THADA: variants seen among roughly 807,000 people sequenced by gnomAD.
THADA encodes the protein THADA armadillo repeat containing.
In THADA, 213 loss-of-function variants were observed where a neutral mutation model predicts 219.8. That is an observed-to-expected ratio of 0.97 (90% CI 0.87 to 1.09). THADA has a LOEUF of 1.09. Ranked by LOEUF, THADA falls within the 50% of genes least tolerant of loss-of-function variation. The probability of loss-of-function intolerance (pLI) is 0.00; values close to 1 mark genes in which losing one functional copy is unlikely to be tolerated. For synonymous variants in THADA, 1,018 were observed against 828.9 expected, an observed-to-expected ratio of 1.23 and a Z score of -3.92; for missense variants, 2,956 against 2,311.3, an observed-to-expected ratio of 1.28 and a Z score of -5.72.
Position 43,465,358 on chromosome 2 carries a change from T to C in THADA, c.3836+19876A>G, listed in dbSNP as rs140605826. Among the ~76,000 whole-genome samples, 349 of 152,334 alleles carry C rather than the reference T, an allele frequency of 2.3e-3. 2 individuals carry two copies. The highest frequency in any genetic ancestry group is 7.2e-3 in the African/African-American group (300 of 41,570). ...GACTTAACACTCCAAAACTTAACGA[T>C]GCAAGATGGCTCCACCTTCTCTGAC... is the stretch of plus-strand genomic sequence containing the variant. On this transcript the variant is annotated intron_variant, in intron 26 of 37. Coordinates refer to ENST00000405975, the MANE Select transcript of THADA (RefSeq NM_022065.5).
At chr2:43,546,938 C>T (rs1243803074) in intron 20 of THADA, among the ~76,000 whole-genome samples, 6 of 151,958 alleles carry the variant, frequency 3.9e-5, no homozygotes, top group African/African-American at 1.2e-4. Flanking sequence ...TTATTTTGCT[C>T]GTTAGTTGAT....
intron 24 of THADA, among the ~76,000 whole-genome samples, chr2:43,500,836 G>A (rs1688858497): frequency 6.6e-6 from 1 of 152,076 alleles, no homozygotes; most frequent in Non-Finnish European, 1.5e-5. Context: ...AGAATTTACA[G>A]GTAAGTCATT....
intron 26 of THADA, 94 bp downstream of exon 26, chr2:43,485,140 T>C: frequency 5.6e-6 from 5 of 891,578 alleles, no homozygotes. Context: ...TCTAGATGAA[T>C]CTATAACAGT....
At chr2:43,328,790 G>A (rs1679628080) in intron 30 of THADA, among the ~76,000 whole-genome samples, 1 of 152,118 alleles carries the variant, frequency 6.6e-6, no homozygotes, top group Non-Finnish European at 1.5e-5. Flanking sequence ...TTTAGGTTAG[G>A]GCCAAAGCCA....
intron 26 of THADA, among the ~76,000 whole-genome samples, chr2:43,474,708 T>C (rs1182634659): frequency 6.6e-6 from 1 of 152,240 alleles, no homozygotes; most frequent in East Asian, 1.9e-4. Flanking sequence ...TGACCATTTA[T>C]ATGTATCTAA....
intron 36 of THADA, among the ~76,000 whole-genome samples, chr2:43,241,064 C>T (rs908621038): frequency 2.0e-5 from 3 of 152,048 alleles, no homozygotes; most frequent in East Asian, 1.9e-4. Flanking sequence ...CAGACTTCAC[C>T]GGGCCCAGGT....
intron 30 of THADA, among the ~76,000 whole-genome samples, chr2:43,330,762 A>T (rs1183685044): frequency 6.6e-6 from 1 of 152,242 alleles, no homozygotes; most frequent in Non-Finnish European, 1.5e-5. Flanking sequence ...CATGGAAGGC[A>T]GCTCCTAAGA....
At chr2:43,278,487 T>G (rs1436933381) in intron 36 of THADA, among the ~76,000 whole-genome samples, 1 of 152,172 alleles carries the variant, frequency 6.6e-6, no homozygotes, top group Admixed American at 6.5e-5. Flanking sequence ...ATGCTGCAAT[T>G]GGAAAAATGA....
At chr2:43,251,468 C>A (rs544414806) in intron 36 of THADA, among the ~76,000 whole-genome samples, 16 of 152,346 alleles carry the variant, frequency 1.1e-4, no homozygotes, top group Admixed American at 9.8e-4. Flanking sequence ...CCTTTAAACC[C>A]ATTTGTTGCT....
chr2:43,339,795 C>G (rs368545422), intron 30 of THADA, among the ~76,000 whole-genome samples: 2 of 152,158 alleles, frequency 1.3e-5, no homozygotes, highest in East Asian at 3.8e-4. Flanking sequence ...GAGCTGGAAT[C>G]TGCAAGCAGC....
chr2:43,591,306 G>A (rs1701540270), intron 3 of THADA, among the ~76,000 whole-genome samples: 2 of 152,196 alleles, frequency 1.3e-5, no homozygotes, highest in South Asian at 2.1e-4. Flanking sequence ...GCCTGGGTAA[G>A]AGAGTGAGAC....
At chr2:43,534,167 A>AT (rs970295591) in intron 21 of THADA, among the ~76,000 whole-genome samples, 4 of 152,186 alleles carry the variant, frequency 2.6e-5, no homozygotes, top group Admixed American at 1.3e-4. Context: ...ATGAAGACAG[A>AT]TTTTTTAAAG....
At chr2:43,396,352 T>A (rs1295018917) in intron 29 of THADA, among the ~76,000 whole-genome samples, 2 of 152,226 alleles carry the variant, frequency 1.3e-5, no homozygotes, top group Non-Finnish European at 2.9e-5. Context: ...CTGGTGGCCC[T>A]GCTATGTGTT....
chr2:43,416,914 T>C (rs1677054268), intron 28 of THADA, among the ~76,000 whole-genome samples: 1 of 152,184 alleles, frequency 6.6e-6, no homozygotes, highest in Non-Finnish European at 1.5e-5. Flanking sequence ...TACTATTCAG[T>C]AATGTAAACG....
At chr2:43,471,999 T>C (rs1200514243) in intron 26 of THADA, among the ~76,000 whole-genome samples, 1 of 152,226 alleles carries the variant, frequency 6.6e-6, no homozygotes, top group East Asian at 1.9e-4. Flanking sequence ...ATGTTTCCTT[T>C]TGCTATTTTG....
intron 26 of THADA, among the ~76,000 whole-genome samples, chr2:43,466,508 A>G (rs1409391717): frequency 6.6e-6 from 1 of 152,142 alleles, no homozygotes; most frequent in African/African-American, 2.4e-5. Context: ...GCTAGCACAC[A>G]GTTTGGGGTA....
intron 26 of THADA, among the ~76,000 whole-genome samples, chr2:43,450,221 T>G (rs1682137631): frequency 6.6e-6 from 1 of 152,188 alleles, no homozygotes; most frequent in African/African-American, 2.4e-5. Context: ...TATTATTAGA[T>G]TAAAAACCAG....
chr2:43,511,874 T>C (rs1420788845), intron 22 of THADA, among the ~76,000 whole-genome samples: 1 of 152,108 alleles, frequency 6.6e-6, no homozygotes, highest in Non-Finnish European at 1.5e-5. Flanking sequence ...TTGAAGGACA[T>C]GTAGGTCGAA....
chr2:43,398,333 C>T (rs1293575271), intron 28 of THADA, among the ~76,000 whole-genome samples, 194 bp from the exon 29 acceptor site: 1 of 152,184 alleles, frequency 6.6e-6, no homozygotes, highest in African/African-American at 2.4e-5. Flanking sequence ...AAAAACATTG[C>T]TAGCATCTAT....
Sources: allele counts gnomAD v4.1 joint callset (sites outside exome capture counted in the v4.1 genomes callset), GRCh38; gene constraint gnomAD v4.1.1; transcripts MANE v1.5; gene names NCBI Gene and HGNC (gene_info 2026-07-23, HGNC 2026-07-21).